RPS6KC1: variants seen among roughly 807,000 people sequenced by gnomAD.
RPS6KC1 encodes the protein inactive ribosomal protein S6 kinase delta-1.
In RPS6KC1, 54 loss-of-function variants were observed where a neutral mutation model predicts 103.8. The ratio of observed to expected loss-of-function variants is 0.52; its 90% CI spans 0.42 to 0.65. The LOEUF is 0.65. Among genes scored for constraint, RPS6KC1 ranks in the 30% least tolerant of loss-of-function variants. The pLI, the probability that RPS6KC1 is intolerant of heterozygous loss-of-function variation, is 0.00. For synonymous variants in RPS6KC1, 439 were observed against 438.7 expected, an observed-to-expected ratio of 1.00 and a Z score of -0.01; for missense variants, 1,151 against 1,253.8, an observed-to-expected ratio of 0.92 and a Z score of 1.24.
At chr1:213,368,542 G>A in the RPS6KC1 span, among the ~76,000 whole-genome samples, 2 of 152,210 alleles carry the variant, frequency 1.3e-5, no homozygotes, top group Non-Finnish European at 2.9e-5. Context: ...CAGATATTTA[G>A]AGCTCAGATT....
chr1:213,374,895 G>A, the RPS6KC1 span, among the ~76,000 whole-genome samples: 3 of 152,122 alleles, frequency 2.0e-5, no homozygotes. Context: ...GTGATGGGGA[G>A]GGAAAATTTA....
At chr1:213,294,742 T>TA in the RPS6KC1 span, among the ~76,000 whole-genome samples, 1 of 152,220 alleles carries the variant, frequency 6.6e-6, no homozygotes, top group African/African-American at 2.4e-5. Context: ...CTTCTTGACT[T>TA]ACCAAGGTTT....
intron 1 of RPS6KC1, among the ~76,000 whole-genome samples, chr1:213,068,850 CAA>C (rs770389713): frequency 4.7e-5 from 5 of 106,774 alleles, no homozygotes; most frequent in Non-Finnish European, 4.0e-5. Flanking sequence ...CCATCTCTAC[CAA>C]AAAAAAAAAA....
At chr1:213,366,218 T>C in the RPS6KC1 span, among the ~76,000 whole-genome samples, 1 of 152,208 alleles carries the variant, frequency 6.6e-6, no homozygotes, top group Non-Finnish European at 1.5e-5. Flanking sequence ...ACTTGAATGC[T>C]TAACTGGATG....
the RPS6KC1 span, among the ~76,000 whole-genome samples, chr1:213,344,693 C>A: frequency 6.6e-6 from 1 of 152,144 alleles, no homozygotes; most frequent in Non-Finnish European, 1.5e-5. Context: ...CACCACCACG[C>A]CTGGCTAATT....
chr1:213,318,253 C>T, the RPS6KC1 span, among the ~76,000 whole-genome samples: 1 of 152,244 alleles, frequency 6.6e-6, no homozygotes, highest in South Asian at 2.1e-4. Context: ...ATATTTACAG[C>T]TGCGTTTTCC....
At chr1:213,787,583 A>G in the RPS6KC1 span, among the ~76,000 whole-genome samples, 1 of 152,262 alleles carries the variant, frequency 6.6e-6, no homozygotes, top group East Asian at 1.9e-4. Flanking sequence ...GATGGATTAG[A>G]TATGGGGATG....
chr1:213,152,160 G>C (rs2089166468), intron 6 of RPS6KC1, among the ~76,000 whole-genome samples: 1 of 137,220 alleles, frequency 7.3e-6, no homozygotes. Flanking sequence ...CTCCTGGACG[G>C]GGCAGCTGGC....
the RPS6KC1 span, among the ~76,000 whole-genome samples, chr1:213,629,855 C>T: frequency 6.6e-6 from 1 of 152,090 alleles, no homozygotes; most frequent in Non-Finnish European, 1.5e-5. Flanking sequence ...CTTAGTTTGG[C>T]TGGATATGAA....
the RPS6KC1 span, among the ~76,000 whole-genome samples, chr1:213,770,121 TG>T: frequency 6.6e-6 from 1 of 152,190 alleles, no homozygotes; most frequent in East Asian, 1.9e-4. Flanking sequence ...TGCTGCTAAA[TG>T]GGTTTTTTAA....
At chr1:213,606,187 T>C in the RPS6KC1 span, among the ~76,000 whole-genome samples, 9 of 152,000 alleles carry the variant, frequency 5.9e-5, no homozygotes, top group African/African-American at 2.2e-4. Context: ...TCCCAAGGGA[T>C]GGAGAAGAAA....
the RPS6KC1 span, among the ~76,000 whole-genome samples, chr1:213,716,271 G>C: frequency 6.6e-6 from 1 of 152,276 alleles, no homozygotes; most frequent in South Asian, 2.1e-4. Context: ...CACCCACTTG[G>C]ATGGTGCTGA....
rs1177476485 is a variant in RPS6KC1 at position 213,117,400 on chromosome 1, T to C, written c.462T>C (p.Cys154=). Residue 154 remains cysteine, a synonymous_variant, in exon 5 of 15, where the codon TGT becomes TGC. Coordinates refer to ENST00000366960, the MANE Select transcript of RPS6KC1 (RefSeq NM_012424.6). ...SDSLIDTFPE[C]STEGFSSDSD... Reference sequence around the variant, plus strand: ...CCCTCATTGATACCTTTCCTGAGTGTAGTACGGAAGGTAAGAGATTTTAAT... The same window carrying C: ...CCCTCATTGATACCTTTCCTGAGTGCAGTACGGAAGGTAAGAGATTTTAAT... 1 of 1,596,860 alleles carries C rather than the reference T, an allele frequency of 6.3e-7. No individual in the cohort carries two copies.
At chr1:213,621,269 G>A in the RPS6KC1 span, among the ~76,000 whole-genome samples, 6 of 152,110 alleles carry the variant, frequency 3.9e-5, no homozygotes, top group African/African-American at 7.2e-5. Flanking sequence ...AGAAACACGC[G>A]TAGAAGCCAG....
the RPS6KC1 span, among the ~76,000 whole-genome samples, chr1:213,596,455 C>G: frequency 2.0e-5 from 3 of 152,190 alleles, no homozygotes; most frequent in Non-Finnish European, 4.4e-5. Flanking sequence ...CAATAGAAGA[C>G]AGTAAGACCA....
At chr1:213,176,320 G>T in intron 7 of RPS6KC1, 80 bp from the exon 8 acceptor site, 1 of 751,072 alleles carries the variant, frequency 1.3e-6, no homozygotes, top group Non-Finnish European at 2.2e-6. Flanking sequence ...ACTTTCCTTT[G>T]GCCTGGCATT....
the RPS6KC1 span, among the ~76,000 whole-genome samples, chr1:213,426,671 C>T: frequency 4.6e-5 from 7 of 152,246 alleles, no homozygotes; most frequent in Middle Eastern, 3.4e-3. Flanking sequence ...GTTAATTTAG[C>T]CCCATCACTG....
At chr1:213,096,974 G>A (rs2081515710) in intron 3 of RPS6KC1, among the ~76,000 whole-genome samples, 1 of 152,174 alleles carries the variant, frequency 6.6e-6, no homozygotes, top group South Asian at 2.1e-4. Flanking sequence ...AATTGATGTT[G>A]TGTTAGCTGG....
At chr1:213,372,687 G>A in the RPS6KC1 span, among the ~76,000 whole-genome samples, 92 of 152,266 alleles carry the variant, frequency 6.0e-4, no homozygotes, top group African/African-American at 1.8e-3. Context: ...GACAAGTTCC[G>A]TGCAACATGT....
Sources: gnomAD v4.1 joint callset for allele counts (sites outside exome capture counted in the v4.1 genomes callset) on GRCh38, gnomAD v4.1.1 for gene constraint, MANE v1.5 for transcripts, NCBI Gene and HGNC (gene_info 2026-07-23, HGNC 2026-07-21) for gene names.